RAB38: variants seen among roughly 807,000 people sequenced by gnomAD.
RAB38 encodes RAB38, member RAS oncogene family, also known as ras-related protein Rab-38.
In RAB38, 15 loss-of-function variants were observed where a neutral mutation model predicts 18.4. The ratio of observed to expected loss-of-function variants is 0.82; its 90% confidence interval spans 0.55 to 1.26. The LOEUF (loss-of-function observed/expected upper bound fraction) is 1.26, where lower values mean the gene tolerates loss of function less well. Among genes scored for constraint, RAB38 ranks in the 50% most tolerant of loss-of-function variants. The pLI is 0.00. For synonymous variants in RAB38, 101 were observed against 104.4 expected, an observed-to-expected ratio of 0.97 and a Z score of 0.20; for missense variants, 294 against 267.4, an observed-to-expected ratio of 1.10 and a Z score of -0.69.
chr11:87,805,932 C>T, the RAB38 span, among the ~76,000 whole-genome samples: 1 of 152,000 alleles, frequency 6.6e-6, no homozygotes, highest in South Asian at 2.1e-4. Flanking sequence ...GTGGGCCTCC[C>T]CACGTTATTG....
chr11:88,142,208 T>C (rs1942923777), intron 2 of RAB38, among the ~76,000 whole-genome samples: 1 of 152,216 alleles, frequency 6.6e-6, no homozygotes. Context: ...TGTGGGCTTT[T>C]ACCAGATAGC....
chr11:88,174,797 C>A (rs1164355432), intron 1 of RAB38, among the ~76,000 whole-genome samples: 1 of 152,234 alleles, frequency 6.6e-6, no homozygotes, highest in Non-Finnish European at 1.5e-5. Context: ...GGCTTCCCCT[C>A]GGTCCGCCCC....
At chr11:88,114,878 AT>A (rs1428250957) in intron 2 of RAB38, among the ~76,000 whole-genome samples, 1 of 152,224 alleles carries the variant, frequency 6.6e-6, no homozygotes, top group Admixed American at 6.5e-5. Context: ...GATCTTTGCT[AT>A]TTTAACCCAC....
At chr11:88,013,916 C>T in the RAB38 span, among the ~76,000 whole-genome samples, 1 of 152,050 alleles carries the variant, frequency 6.6e-6, no homozygotes, top group Non-Finnish European at 1.5e-5. Context: ...CTACATAGTT[C>T]CTGCTCAATA....
At chr11:87,855,660 G>A in the RAB38 span, among the ~76,000 whole-genome samples, 46 of 152,150 alleles carry the variant, frequency 3.0e-4, no homozygotes, top group African/African-American at 9.9e-4. Flanking sequence ...AAGAAATTAC[G>A]TAAAGCTGTC....
At chr11:88,012,653 G>A in the RAB38 span, among the ~76,000 whole-genome samples, 2 of 151,978 alleles carry the variant, frequency 1.3e-5, no homozygotes, top group Admixed American at 1.3e-4. Context: ...TACATGCTCA[G>A]CAAATTACAA....
downstream of RAB38, among the ~76,000 whole-genome samples, chr11:88,110,585 G>A (rs1021625338): frequency 2.6e-5 from 4 of 152,126 alleles, no homozygotes; most frequent in African/African-American, 7.2e-5. Flanking sequence ...TTGGGAGGCC[G>A]AGGTGGGCAG....
the RAB38 span, among the ~76,000 whole-genome samples, chr11:87,925,152 A>G: frequency 6.6e-6 from 1 of 152,076 alleles, no homozygotes; most frequent in Admixed American, 6.6e-5. Flanking sequence ...TTGAGCATCC[A>G]CCAAACCTGA....
At chr11:87,920,054 G>A in the RAB38 span, among the ~76,000 whole-genome samples, 1 of 151,766 alleles carries the variant, frequency 6.6e-6, no homozygotes, top group African/African-American at 2.4e-5. Context: ...TAGTCTAGCT[G>A]TGGGTTTGTC....
chr11:88,019,357 G>C, the RAB38 span, among the ~76,000 whole-genome samples: 71 of 151,958 alleles, frequency 4.7e-4, no homozygotes, highest in African/African-American at 1.7e-3. Flanking sequence ...CATCCTCTCA[G>C]CTTTCTCTGT....
downstream of RAB38, among the ~76,000 whole-genome samples, chr11:88,110,538 G>T (rs1036715560): frequency 1.3e-5 from 2 of 151,982 alleles, no homozygotes; most frequent in Non-Finnish European, 2.9e-5. Context: ...AATAATAAAG[G>T]CCAGGCGTGG....
intron 2 of RAB38, among the ~76,000 whole-genome samples, chr11:88,127,357 C>T (rs917561312): frequency 6.6e-6 from 1 of 152,120 alleles, no homozygotes; most frequent in Non-Finnish European, 1.5e-5. Context: ...TTTCTCCCTC[C>T]CATCTCAAAG....
the RAB38 span, among the ~76,000 whole-genome samples, chr11:87,821,775 C>T: frequency 5.3e-5 from 8 of 151,048 alleles, no homozygotes; most frequent in South Asian, 2.1e-4. Context: ...CGCTTGCACC[C>T]GGTGGGCAGA....
At chr11:88,164,763 C>T (rs908172641) in intron 1 of RAB38, among the ~76,000 whole-genome samples, 2 of 151,810 alleles carry the variant, frequency 1.3e-5, no homozygotes, top group African/African-American at 4.8e-5. Flanking sequence ...GATTTGGATG[C>T]GGTGAACTGA....
At chr11:87,874,927 C>A in the RAB38 span, among the ~76,000 whole-genome samples, 1 of 151,322 alleles carries the variant, frequency 6.6e-6, no homozygotes, top group Admixed American at 6.6e-5. Context: ...ACCATATGGT[C>A]CAGTCATCCC....
chr11:87,856,668 C>T, the RAB38 span, among the ~76,000 whole-genome samples: 3 of 152,076 alleles, frequency 2.0e-5, no homozygotes, highest in Admixed American at 6.6e-5. Flanking sequence ...CCCACTAGAG[C>T]GTAGCTTGAG....
chr11:87,929,301 CCTTTT>C, the RAB38 span, among the ~76,000 whole-genome samples: 4 of 151,978 alleles, frequency 2.6e-5, no homozygotes, highest in Non-Finnish European at 4.4e-5. Context: ...CCCCCTCTTT[CCTTTT>C]AACAGTTTAG....
chr11:87,840,781 T>G, the RAB38 span, among the ~76,000 whole-genome samples: 1 of 152,224 alleles, frequency 6.6e-6, no homozygotes, highest in South Asian at 2.1e-4. Flanking sequence ...TTTAGCTTTA[T>G]AGACACACCT....
At chr11:88,017,993 C>A in the RAB38 span, among the ~76,000 whole-genome samples, 4 of 152,134 alleles carry the variant, frequency 2.6e-5, no homozygotes, top group South Asian at 8.3e-4. Flanking sequence ...CACAAGCTCT[C>A]TTCTCTTGTC....
Sources: gnomAD v4.1 joint callset for allele counts (sites outside exome capture counted in the v4.1 genomes callset) on GRCh38, gnomAD v4.1.1 for gene constraint, MANE v1.5 for transcripts, NCBI Gene and HGNC (gene_info 2026-07-23, HGNC 2026-07-21) for gene names.